SUN1: variants seen among roughly 807,000 people sequenced by gnomAD.
The protein encoded by SUN1 is Sad1 and UNC84 domain containing 1, also known as SUN domain-containing protein 1.
A neutral mutation model predicts 103.2 loss-of-function variants in SUN1; 61 were observed. The ratio of observed to expected loss-of-function variants is 0.59; its 90% CI spans 0.48 to 0.73. The LOEUF (loss-of-function observed/expected upper bound fraction) is 0.73, where lower values mean the gene tolerates loss of function less well. SUN1 is among the 30% of genes least tolerant of loss of function. The probability of loss-of-function intolerance (pLI) is 0.00; values close to 1 mark genes in which losing one functional copy is unlikely to be tolerated. For synonymous variants in SUN1, 490 were observed against 425.7 expected, an observed-to-expected ratio of 1.15 and a Z score of -1.86; for missense variants, 1,052 against 1,034.6, an observed-to-expected ratio of 1.02 and a Z score of -0.23.
intron 3 of SUN1, 159 bp from the exon 4 acceptor site, chr7:843,047 C>A: frequency 2.0e-6 from 2 of 1,011,426 alleles, no homozygotes; most frequent in South Asian, 1.4e-5. Flanking sequence ...ATGGTATCTG[C>A]ATATATCTGG....
chr7:853,758 G>C lies in SUN1; in HGVS notation c.1263+140G>C, dbSNP rs1562719889. ...TGCCCTTTCTGTTCTTAGTTGTTGA[G>C]AGCAGTGTGCCGGAGAGGGAGTGGG... is the stretch of plus-strand genomic sequence containing the variant. On this transcript the variant is annotated intron_variant, in intron 10 of 18. Coordinates refer to ENST00000401592, the MANE Select transcript of SUN1 (RefSeq NM_001130965.3). 12 of 965,378 alleles carry C rather than the reference G, an allele frequency of 1.2e-5. No homozygotes were observed. In the East Asian group the frequency reaches 3.2e-4, roughly 25 times the overall value. 59.8% of individuals were successfully genotyped at this position (965,378 alleles called of 1,614,324 possible).
rs187988600 is a variant in SUN1, at chr7:842,280, G to A, written c.451+150G>A. The A allele has an allele frequency of 1.6e-4, 136 of 828,794 alleles. No homozygotes were observed. In the African/African-American group the frequency reaches 1.8e-3, roughly 11 times the overall value. The allele number at this position is 828,794 out of a possible 1,614,324, so 51.3% of individuals were successfully genotyped here. On this transcript the variant is annotated intron_variant, in intron 3 of 18. Coordinates refer to ENST00000401592, the MANE Select transcript of SUN1 (RefSeq NM_001130965.3). The stretch of plus-strand genomic sequence containing the variant: ...TGTGGCCACATTGTGGGTTTGCTGC[G>A]TGACTGGCTGGTAGGAGCATCAGTT...
intron 5 of SUN1, among the ~76,000 whole-genome samples, chr7:846,915 G>C (rs1816408217): frequency 6.6e-6 from 1 of 152,140 alleles, no homozygotes; most frequent in African/African-American, 2.4e-5. Context: ...TTGGGCGGCT[G>C]AGGCAGGAGG....
intron 5 of SUN1, chr7:850,079 C>T: frequency 6.7e-7 from 1 of 1,488,292 alleles, no homozygotes; most frequent in Non-Finnish European, 9.1e-7. Context: ...TGTCACCATG[C>T]TATTTGTGTC....
intron 5 of SUN1, chr7:849,501 T>C: frequency 7.4e-7 from 1 of 1,359,418 alleles, no homozygotes; most frequent in Non-Finnish European, 9.8e-7. Flanking sequence ...TCCCTAAGCC[T>C]CTTTTGCGTG....
intron 15 of SUN1, among the ~76,000 whole-genome samples, chr7:862,986 C>T (rs1463161056): frequency 6.6e-6 from 1 of 152,024 alleles, no homozygotes; most frequent in East Asian, 1.9e-4. Flanking sequence ...ACTAAAAATA[C>T]AAAAAATTAG....
chr7:832,699 A>G lies in SUN1; in HGVS notation c.77+98A>G, dbSNP rs140517667. The G allele has an allele frequency of 6.1e-4, 548 of 893,600 alleles. 2 individuals are homozygous for G. Among genetic ancestry groups the G allele is most frequent in the Middle Eastern group, 3.2e-3 (13 of 4,048 alleles). The allele number at this position is 893,600 out of a possible 1,614,324, so 55.4% of individuals were successfully genotyped here. ...CAGGAACTCCATAGTACTACCGACT[A>G]CATGCTGTATTTTGAAGGTGAAAAA... On this transcript the variant is annotated intron_variant, in intron 1 of 18. Transcript: ENST00000401592.
chr7:821,457 G>T (rs10950611), intron 1 of SUN1, among the ~76,000 whole-genome samples: 58,051 of 151,868 alleles, frequency 0.38, 11,399 homozygotes, highest in African/African-American at 0.47. Flanking sequence ...CGTGAGCCCG[G>T]CCTGGTGACC....
At chr7:853,009 G>T in intron 9 of SUN1, 57 bp downstream of exon 9, 1 of 1,551,968 alleles carries the variant, frequency 6.4e-7, no homozygotes, top group Non-Finnish European at 8.7e-7. Context: ...CTTCAGGGAC[G>T]TTCCACACTG....
At chr7:841,757 T>G in intron 2 of SUN1, 189 bp from the exon 3 acceptor site, 1 of 603,572 alleles carries the variant, frequency 1.7e-6, no homozygotes, top group East Asian at 3.0e-5. Context: ...TAGAGGGAGT[T>G]CTTGGATCCC....
In SUN1 at chr7:857,843, G is replaced by C. The variant is rs752103766; in HGVS notation, c.1410G>C (p.Gln470His). 1.3e-6 allele frequency: 2 copies of C among 1,586,746 alleles called. No homozygotes were observed. The highest frequency in any genetic ancestry group is 1.3e-5 in the African/African-American group (1 of 74,140). Residue 470 changes from glutamine (Q) to histidine (H), a missense_variant, in exon 13 of 19, where the codon CAG becomes CAC. Physicochemically the swap from Gln to His is conservative, Grantham distance 24. Transcript: ENST00000401592. ...TGGATTCCAGTGCGGTTGGTGAGCA[G>C]CTCCTGCCCACAGTCGAGCACCTCC... is the stretch of plus-strand genomic sequence containing the variant. ...KQKTISAVGE[Q>H]LLPTVEHLQL...
chr7:851,824 C>G, intron 6 of SUN1, 126 bp from the exon 7 acceptor site: 2 of 970,522 alleles, frequency 2.1e-6, no homozygotes, highest in Non-Finnish European at 3.2e-6. Flanking sequence ...ACTAGCATCA[C>G]CGAACTTCTT....
At chr7:848,427 C>T (rs937722151) in intron 5 of SUN1, 1 of 1,358,302 alleles carries the variant, frequency 7.4e-7, no homozygotes, top group Non-Finnish European at 9.8e-7. Flanking sequence ...GGCGGTGCGT[C>T]TTTCTACGTG....
At chr7:844,162 G>A (rs919585157) in intron 5 of SUN1, among the ~76,000 whole-genome samples, 4 of 152,234 alleles carry the variant, frequency 2.6e-5, no homozygotes, top group Admixed American at 6.5e-5. Context: ...AGAACCACAG[G>A]CCCCTTTGCG....
At position 838,970 on chromosome 7, in the gene SUN1, A is replaced by C; in HGVS notation, c.250A>C (p.Lys84Gln). 2 of 1,594,252 alleles carry C rather than the reference A, an allele frequency of 1.3e-6. No homozygotes were observed. Among genetic ancestry groups the C allele is most frequent in the Non-Finnish European group, 1.7e-6 (2 of 1,171,516 alleles). The change falls in exon 2 of 19, where the codon AAG becomes CAG. Residue 84 changes from lysine to glutamine, a missense_variant. Physicochemically the swap from Lys to Gln is moderately conservative, Grantham distance 53. Around this residue, in one of 2 missense-constraint regions of SUN1, gnomAD observed 846 missense variants for 774.5 expected, o/e 1.09. Transcript: ENST00000401592. Reference sequence around the variant, plus strand: ...CGGCACCAGCAGCGCTGTCTCCCTGAAGAACCGAGCGGCCAGGTGAGCACC... The same window carrying C: ...CGGCACCAGCAGCGCTGTCTCCCTGCAGAACCGAGCGGCCAGGTGAGCACC... ...DSGTSSAVSL[K>Q]NRAARTTKQR...
chr7:824,854 C>T (rs992906272), intron 1 of SUN1, among the ~76,000 whole-genome samples: 4 of 142,134 alleles, frequency 2.8e-5, no homozygotes, highest in South Asian at 2.6e-4. Context: ...CAGAGCAGGG[C>T]GGGTGCGGGG....
At chr7:837,041 T>C (rs76388869) in intron 1 of SUN1, among the ~76,000 whole-genome samples, 3,624 of 152,324 alleles carry the variant, frequency 0.024, 175 homozygotes, top group East Asian at 0.19. Context: ...CTGCGAATCA[T>C]GACGCACTCA....
chr7:860,208 G>A lies in SUN1; in HGVS notation c.1605G>A (p.Gln535=). 1 of 1,614,256 alleles carries A rather than the reference G, an allele frequency of 6.2e-7. No homozygotes were observed. Among genetic ancestry groups the A allele is most frequent in the Non-Finnish European group, 8.5e-7 (1 of 1,180,052 alleles). The change falls in exon 14 of 19, where the codon CAG becomes CAA. Residue 535 remains glutamine (Q), a synonymous_variant. Coordinates refer to ENST00000401592, the MANE Select transcript of SUN1 (RefSeq NM_001130965.3). ...QQGGSLEQLL[Q]RFSSQFVSKG... ...GCGGTTCTCTGGAACAGCTGCTGCA[G>A]AGGTTCTCATCACAGTTTGTGAGCA...
chr7:820,163 G>T (rs559601884), intron 1 of SUN1, among the ~76,000 whole-genome samples: 1 of 152,090 alleles, frequency 6.6e-6, no homozygotes, highest in Non-Finnish European at 1.5e-5. Flanking sequence ...TCACTGTGGG[G>T]GTACTGCTAT....
Sources: gnomAD v4.1 joint callset for allele counts (sites outside exome capture counted in the v4.1 genomes callset) on GRCh38, gnomAD v4.1.1 for gene constraint, gnomAD v4.1.1 regional missense constraint, MANE v1.5 for transcripts, NCBI Gene and HGNC (gene_info 2026-07-23, HGNC 2026-07-21) for gene names.